RTN4: variants seen among roughly 807,000 people sequenced by gnomAD.
RTN4 encodes the protein reticulon-4.
A neutral mutation model predicts 90.4 loss-of-function variants in RTN4; 32 were observed. That is an observed-to-expected ratio of 0.35 (90% CI 0.27 to 0.48). The LOEUF (loss-of-function observed/expected upper bound fraction) is 0.48, where lower values mean the gene tolerates loss of function less well. RTN4 is among the 20% of genes least tolerant of loss of function. The probability of loss-of-function intolerance (pLI) is 0.99; values close to 1 mark genes in which losing one functional copy is unlikely to be tolerated. For missense variants in RTN4, 1,706 were observed against 1,430.2 expected (o/e 1.19, Z -3.11); for synonymous variants, 629 against 552.5 (o/e 1.14, Z -1.94).
At chr2:55,042,403 G>C (rs571844428) in intron 1 of RTN4, among the ~76,000 whole-genome samples, 2 of 152,176 alleles carry the variant, frequency 1.3e-5, no homozygotes, top group South Asian at 4.1e-4. Context: ...CCATCAATAA[G>C]GGACTGATTA....
At chr2:55,033,181 A>G (rs948885913) in intron 1 of RTN4, among the ~76,000 whole-genome samples, 3 of 152,332 alleles carry the variant, frequency 2.0e-5, no homozygotes, top group African/African-American at 2.4e-5. Flanking sequence ...AAGGCACACC[A>G]TAAGGGTCAA....
At chr2:55,093,111 G>T (rs1204301359) in intron 1 of RTN4, among the ~76,000 whole-genome samples, 1 of 152,166 alleles carries the variant, frequency 6.6e-6, no homozygotes, top group African/African-American at 2.4e-5. Context: ...GAAAATGTCT[G>T]TGTTTTGATA....
chr2:55,046,263 A>G (rs1222817589), intron 1 of RTN4, among the ~76,000 whole-genome samples: 1 of 152,200 alleles, frequency 6.6e-6, no homozygotes. Flanking sequence ...AAATCACAAT[A>G]TAATTATTTA....
At chr2:55,009,173 T>C (rs1438935023) in intron 3 of RTN4, among the ~76,000 whole-genome samples, 1 of 152,112 alleles carries the variant, frequency 6.6e-6, no homozygotes, top group Non-Finnish European at 1.5e-5. Flanking sequence ...TAGAAGGAAA[T>C]AATTTTTTTT....
At chr2:55,113,359 G>C (rs1668071078), upstream of RTN4, among the ~76,000 whole-genome samples, 1 of 152,168 alleles carries the variant, frequency 6.6e-6, no homozygotes, top group Admixed American at 6.5e-5. Context: ...GGTCAATGTG[G>C]AACTGAATTC....
chr2:54,980,485 A>T lies in RTN4; in HGVS notation c.3360+2030T>A, dbSNP rs544501801. On this transcript the variant is annotated intron_variant, in intron 5 of 8. Transcript: ENST00000337526. ...AATGAATCATTCCCAGATCAATTTT[A>T]AAAATAGATTTATTCAAGAATGACA... 4.3e-3 allele frequency among the ~76,000 whole-genome samples: 657 copies of T among 152,350 alleles called. 6 individuals carry two copies. The highest frequency in any genetic ancestry group is 0.015 in the African/African-American group (614 of 41,576).
Position 55,028,180 on chromosome 2 carries a change from C to T in RTN4, c.597G>A (p.Val199=). ...LFALPAASEP[V]IRSSAENMDL... is the part of the protein sequence containing the mutation. ...AGAACTTGCCTGCAGAGGAGCGTATCACAGGCTCAGATGCAGCAGGAAGAG... is the reference window on the plus strand; with the variant it reads ...AGAACTTGCCTGCAGAGGAGCGTATTACAGGCTCAGATGCAGCAGGAAGAG... The change falls in exon 2 of 9, where the codon GTG becomes GTA. Residue 199 remains valine, a synonymous_variant. Transcript: ENST00000337526. The T allele has an allele frequency of 6.2e-7, 1 of 1,612,974 alleles. No homozygotes were observed. Among genetic ancestry groups the T allele is most frequent in the South Asian group, 1.1e-5 (1 of 90,994 alleles).
At position 55,022,220 on chromosome 2, in the gene RTN4, A is replaced by G. The variant is rs79590560; in HGVS notation, c.3013+2866T>C. ...GCACTAGCGGGGAGGGGAGACTTCAAAGGTGTTGCTACACCGATTACTCCT... is the reference window on the plus strand; with the variant it reads ...GCACTAGCGGGGAGGGGAGACTTCAGAGGTGTTGCTACACCGATTACTCCT... On this transcript the variant is annotated intron_variant, in intron 3 of 8. Coordinates refer to ENST00000337526, the MANE Select transcript of RTN4 (RefSeq NM_020532.5). Among the ~76,000 whole-genome samples the G allele has an allele frequency of 5.3e-3, 802 of 152,234 alleles. 5 individuals carry two copies. The highest frequency in any genetic ancestry group is 0.018 in the African/African-American group (765 of 41,524).
chr2:55,028,631 T>C (rs1324547475), intron 1 of RTN4, among the ~76,000 whole-genome samples: 1 of 152,206 alleles, frequency 6.6e-6, no homozygotes, highest in Non-Finnish European at 1.5e-5. Flanking sequence ...CAACTACAAA[T>C]GTTTAATCTT....
At chr2:54,979,409 T>C (rs1677939168) in intron 5 of RTN4, among the ~76,000 whole-genome samples, 1 of 152,296 alleles carries the variant, frequency 6.6e-6, no homozygotes, top group African/African-American at 2.4e-5. Context: ...AAAACTGTGG[T>C]GGATAAGTGT....
chr2:54,993,824 T>C (rs2588517), intron 3 of RTN4, among the ~76,000 whole-genome samples: 101,814 of 152,028 alleles, frequency 0.67, 34,146 homozygotes, highest in Middle Eastern at 0.75. Context: ...CATAAGATAA[T>C]ATGAATATAT....
At chr2:55,086,280 C>T (rs1477127012) in intron 1 of RTN4, among the ~76,000 whole-genome samples, 1 of 152,100 alleles carries the variant, frequency 6.6e-6, no homozygotes, top group Non-Finnish European at 1.5e-5. Flanking sequence ...TAAAGTATAG[C>T]ATGCTAACTC....
chr2:55,091,245 G>GA (rs1473666336), intron 1 of RTN4, among the ~76,000 whole-genome samples: 1 of 152,072 alleles, frequency 6.6e-6, no homozygotes, highest in Non-Finnish European at 1.5e-5. Context: ...TGTGGCCTAG[G>GA]GGGCCCCACG....
intron 1 of RTN4, among the ~76,000 whole-genome samples, chr2:55,047,423 G>A (rs1342901771): frequency 6.6e-6 from 1 of 151,684 alleles, no homozygotes; most frequent in East Asian, 1.9e-4. Context: ...AAAGAAAAAG[G>A]AAAAGATTGA....
chr2:55,072,397 T>C (rs982092291), intron 2 of RTN4, among the ~76,000 whole-genome samples: 3 of 151,990 alleles, frequency 2.0e-5, no homozygotes. Flanking sequence ...GCCCAGCTGA[T>C]TTTTTGTATT....
chr2:54,973,228 A>T (rs778381624), intron 8 of RTN4, 30 bp from the exon 9 acceptor site: 1 of 1,574,610 alleles, frequency 6.4e-7, no homozygotes, highest in Non-Finnish European at 8.7e-7. Context: ...TGTAAATATC[A>T]GTTTTGTTTG....
chr2:55,039,057 G>C (rs1182434699), intron 1 of RTN4, among the ~76,000 whole-genome samples: 1 of 152,162 alleles, frequency 6.6e-6, no homozygotes, highest in East Asian at 1.9e-4. Flanking sequence ...AATCTATGAT[G>C]AAAGAAATCA....
At chr2:55,110,613 T>A (rs1234655939) in intron 1 of RTN4, among the ~76,000 whole-genome samples, 1 of 152,184 alleles carries the variant, frequency 6.6e-6, no homozygotes, top group Non-Finnish European at 1.5e-5. Flanking sequence ...TGTCAATCTA[T>A]CTGAGGGCGC....
upstream of RTN4, among the ~76,000 whole-genome samples, chr2:55,051,543 C>G (rs1171781084): frequency 6.6e-6 from 1 of 152,158 alleles, no homozygotes; most frequent in African/African-American, 2.4e-5. Context: ...TTTTATCTTT[C>G]TGATTTACCT....
Sources: allele counts gnomAD v4.1 joint callset (sites outside exome capture counted in the v4.1 genomes callset), GRCh38; gene constraint gnomAD v4.1.1; transcripts MANE v1.5; gene names NCBI Gene and HGNC (gene_info 2026-07-23, HGNC 2026-07-21).